Variants in SPG11 observed in about 807,000 individuals in gnomAD.
The protein encoded by SPG11 is SPG11 vesicle trafficking associated, spatacsin.
In SPG11, 222 loss-of-function variants were observed where a neutral mutation model predicts 274.0. The ratio of observed to expected loss-of-function variants is 0.81; its 90% CI spans 0.73 to 0.91. SPG11 has a LOEUF of 0.91. Among genes scored for constraint, SPG11 ranks in the 40% least tolerant of loss-of-function variants. The pLI is 0.00. For missense variants in SPG11, 3,114 were observed against 2,872.7 expected (o/e 1.08, Z -1.92); for synonymous variants, 1,144 against 1,039.7 (o/e 1.10, Z -1.93).
intron 35 of SPG11, among the ~76,000 whole-genome samples, chr15:44,568,616 C>T (rs753363063): frequency 3.3e-5 from 5 of 152,182 alleles, no homozygotes; most frequent in South Asian, 2.1e-4. Context: ...GCTTCCAAGC[C>T]GCCTTCCTGT....
At chr15:44,587,711 A>AC (rs1434271975) in intron 28 of SPG11, among the ~76,000 whole-genome samples, 6 of 149,120 alleles carry the variant, frequency 4.0e-5, no homozygotes, top group South Asian at 2.1e-4. Flanking sequence ...AAAAAAAAAA[A>AC]AAAAAAAAAC....
At position 44,596,174 on chromosome 15, in the gene SPG11, C is replaced by T. The variant is rs751470426; in HGVS notation, c.4343G>A (p.Cys1448Tyr). 3 of 1,614,184 alleles carry T rather than the reference C, an allele frequency of 1.9e-6. No homozygotes were observed. Among genetic ancestry groups the T allele is most frequent in the Non-Finnish European group, 1.7e-6 (2 of 1,180,036 alleles). Residue 1448 changes from cysteine to tyrosine, a missense_variant, in exon 25 of 40, where the codon TGC becomes TAC. Cys to Tyr is a radical substitution (Grantham distance 194, BLOSUM62 -2). Transcript: ENST00000261866. ...MTDLFEILLQ[C>Y]SEEPDSWHWL... ...GTGCCAGGAGTCTGGCTCCTCTGAG[C>T]ATTGGAGCAGAATTTCAAATAAATC...
At chr15:44,645,299 C>T (rs540657492) in intron 7 of SPG11, among the ~76,000 whole-genome samples, 4 of 152,230 alleles carry the variant, frequency 2.6e-5, no homozygotes, top group East Asian at 1.9e-4. Context: ...GAACAGAGAG[C>T]CCAGAAATAA....
intron 1 of SPG11, among the ~76,000 whole-genome samples, chr15:44,663,029 G>A (rs1318373549): frequency 6.6e-6 from 1 of 152,264 alleles, no homozygotes; most frequent in Non-Finnish European, 1.5e-5. Flanking sequence ...TTAACTGAAA[G>A]AAATGGGCAT....
chr15:44,638,345 A>G (rs1409914469), intron 7 of SPG11, among the ~76,000 whole-genome samples: 2 of 152,154 alleles, frequency 1.3e-5, no homozygotes, highest in Admixed American at 1.3e-4. Flanking sequence ...CTGTAATCCT[A>G]GCTACTCAAG....
At chr15:44,646,744 G>T (rs2084622714) in intron 7 of SPG11, among the ~76,000 whole-genome samples, 1 of 152,054 alleles carries the variant, frequency 6.6e-6, no homozygotes, top group Admixed American at 6.6e-5. Flanking sequence ...TCAGATACTG[G>T]GTGTTCTCAC....
chr15:44,648,893 C>A lies in SPG11; in HGVS notation c.1575G>T (p.Arg525Ser), dbSNP rs1242845025. The A allele has an allele frequency of 1.1e-5, 18 of 1,614,018 alleles. No individual in the cohort carries two copies. Among genetic ancestry groups the A allele is most frequent in the Non-Finnish European group, 1.3e-5 (15 of 1,180,006 alleles). ...CTAGTGCATGTATGGGAATTGAGCA[C>A]CTTCCCCAGCCATTGAGATGACAAA... ...DTLCHLNGWG[R>S]CSIPIHALEA... Residue 525 changes from arginine (R) to serine (S), a missense_variant, in exon 7 of 40, where the codon AGG (arginine) becomes AGT (serine). By Grantham distance (110) the Arg-to-Ser change is moderately radical. Coordinates refer to ENST00000261866, the MANE Select transcript of SPG11 (RefSeq NM_025137.4).
At chr15:44,595,534 T>G in intron 25 of SPG11, 75 bp from the exon 26 acceptor site, 1 of 1,472,986 alleles carries the variant, frequency 6.8e-7, no homozygotes, top group Non-Finnish European at 9.4e-7. Flanking sequence ...GATGGATATT[T>G]CCTGTTTAGA....
chr15:44,599,225 T>C (rs1314361094), intron 21 of SPG11, among the ~76,000 whole-genome samples: 1 of 152,152 alleles, frequency 6.6e-6, no homozygotes, highest in Non-Finnish European at 1.5e-5. Context: ...ATGAAGCACA[T>C]TTAAAAAAAC....
chr15:44,583,624 A>G (rs1046238262), intron 30 of SPG11, among the ~76,000 whole-genome samples, 190 bp downstream of exon 30: 1 of 152,240 alleles, frequency 6.6e-6, no homozygotes, highest in African/African-American at 2.4e-5. Context: ...TTTGAAACAT[A>G]GCTAGTTTAA....
At chr15:44,567,942 C>T (rs2082343136) in intron 35 of SPG11, among the ~76,000 whole-genome samples, 1 of 152,094 alleles carries the variant, frequency 6.6e-6, no homozygotes, top group African/African-American at 2.4e-5. Flanking sequence ...CAATGAGAAA[C>T]AATCCAGATG....
At chr15:44,585,944 T>C (rs2082753349) in intron 28 of SPG11, 94 bp from the exon 29 acceptor site, 1 of 1,064,486 alleles carries the variant, frequency 9.4e-7, no homozygotes, top group Non-Finnish European at 1.4e-6. Flanking sequence ...AATATACGTG[T>C]TTAACATAGT....
chr15:44,587,300 G>T (rs934297444), intron 28 of SPG11, among the ~76,000 whole-genome samples: 3 of 152,334 alleles, frequency 2.0e-5, no homozygotes, highest in Non-Finnish European at 2.9e-5. Flanking sequence ...TCCACAGGAG[G>T]TTATTTCCAG....
Position 44,652,319 on chromosome 15 carries a change from T to G in SPG11, c.870-53A>C. On this transcript the variant is annotated intron_variant, in intron 4 of 39. Transcript: ENST00000261866. ...TGAAAAAATGATGATCAAACCCAAA[T>G]TTGTGTTACTACTGCTCCTGTTAAA... The G allele has an allele frequency of 4.4e-6, 7 of 1,586,198 alleles. No homozygotes were observed. In the Admixed American group the frequency reaches 1.2e-4, roughly 27 times the overall value.
chr15:44,598,511 C>CT (rs2083101419), intron 22 of SPG11, 120 bp downstream of exon 22: 2 of 1,275,680 alleles, frequency 1.6e-6, no homozygotes, highest in Admixed American at 1.8e-5. Flanking sequence ...AACACACACT[C>CT]TGCAGGAAAA....
chr15:44,654,102 T>G (rs2084865937), intron 4 of SPG11, among the ~76,000 whole-genome samples: 1 of 152,124 alleles, frequency 6.6e-6, no homozygotes, highest in South Asian at 2.1e-4. Context: ...CACAGGCATG[T>G]ACTACCATGC....
intron 11 of SPG11, 75 bp from the exon 12 acceptor site, chr15:44,622,874 T>C (rs1460250392): frequency 1.3e-5 from 13 of 1,007,708 alleles, no homozygotes; most frequent in African/African-American, 6.3e-5. Flanking sequence ...ATGTGTTAGA[T>C]ACAGAAACAC....
chr15:44,595,928 G>A (rs2083024033), intron 25 of SPG11, 155 bp downstream of exon 25: 1 of 1,003,258 alleles, frequency 1.0e-6, no homozygotes, highest in African/African-American at 1.6e-5. Context: ...CAGAGCCTAA[G>A]CTAGAGAAGC....
intron 21 of SPG11, among the ~76,000 whole-genome samples, chr15:44,599,967 C>A (rs1003982202): frequency 7.9e-5 from 12 of 152,134 alleles, no homozygotes; most frequent in African/African-American, 2.9e-4. Context: ...AGGTTTTAAG[C>A]CCCGCATGCA....
Sources: gnomAD v4.1 joint callset for allele counts (sites outside exome capture counted in the v4.1 genomes callset) on GRCh38, gnomAD v4.1.1 for gene constraint, MANE v1.5 for transcripts, NCBI Gene and HGNC (gene_info 2026-07-23, HGNC 2026-07-21) for gene names.